CYTH3: variants seen among roughly 807,000 people sequenced by gnomAD.
CYTH3 encodes the protein cytohesin-3.
Under a neutral mutation model 55.1 loss-of-function variants are expected in CYTH3, and 23 were observed. The observed-to-expected ratio is 0.42, with a 90% CI of 0.30 to 0.59. The LOEUF is 0.59. Among genes scored for constraint, CYTH3 ranks in the 20% least tolerant of loss-of-function variants. The pLI is 0.20. For synonymous variants in CYTH3, 249 were observed against 194.9 expected (o/e 1.28, Z -2.31); for missense variants, 413 against 524.8 (o/e 0.79, Z 2.08).
rs909637053 is a variant in CYTH3, at chr7:6,165,212, C to A, written c.1127+61G>T. On this transcript the variant is annotated intron_variant, in intron 12 of 12. Transcript: ENST00000350796. ...CGGAAGCATCCATGTTCCAGACCAT[C>A]CCCCGCCCTCCAACCGGCACGAGAA... 2.5e-6 allele frequency: 4 copies of A among 1,574,546 alleles called. No individual in the cohort carries two copies. In the African/African-American group the frequency reaches 5.4e-5, roughly 21 times the overall value.
At chr7:6,204,633 C>T (rs1034201535) in intron 1 of CYTH3, among the ~76,000 whole-genome samples, 1 of 152,214 alleles carries the variant, frequency 6.6e-6, no homozygotes, top group Admixed American at 6.5e-5. Flanking sequence ...TATGCACGGA[C>T]CTCCATGGTT....
chr7:6,222,240 C>T (rs1784568203), intron 1 of CYTH3, among the ~76,000 whole-genome samples: 1 of 152,258 alleles, frequency 6.6e-6, no homozygotes, highest in South Asian at 2.1e-4. Context: ...TGTCAAGGGA[C>T]ATCACGGAAG....
rs1048121657 is a variant in CYTH3 at position 6,164,843 on chromosome 7, G to T, written c.*101C>A. Reference sequence around the variant, plus strand: ...ATGCTCTGGAGCAGCAGCTTGCACCGCAGGGCGACTGCCTCCCTGCCACGC... The same window carrying T: ...ATGCTCTGGAGCAGCAGCTTGCACCTCAGGGCGACTGCCTCCCTGCCACGC... On this transcript the variant is annotated 3_prime_UTR_variant, in exon 13 of 13. Coordinates refer to ENST00000350796, the MANE Select transcript of CYTH3 (RefSeq NM_004227.4). The T allele has an allele frequency of 3.8e-6, 5 of 1,313,164 alleles. No individual in the cohort carries two copies. The highest frequency in any genetic ancestry group is 5.5e-6 in the Non-Finnish European group (5 of 914,694). 81.3% of individuals were successfully genotyped at this position (1,313,164 alleles called of 1,614,324 possible).
In CYTH3 at chr7:6,167,510, T is replaced by A. The variant is rs762132043; in HGVS notation, c.824-1700A>T. On this transcript the variant is annotated intron_variant, in intron 9 of 12. Transcript: ENST00000350796. This position sits in a 1 kb window ranked among gnomAD's most constrained non-coding sequence, Gnocchi z 5.5. ...ACTCCAGAGCAGGCCCCGCTCCAGC[T>A]GCACTGGTGCCAGCTGCCATCCCCC... Among the ~76,000 whole-genome samples the A allele has an allele frequency of 1.4e-4, 22 of 152,354 alleles. No homozygotes were observed. The highest frequency in any genetic ancestry group is 2.6e-4 in the Admixed American group (4 of 15,304).
chr7:6,189,465 C>A (rs1369990939), intron 2 of CYTH3, among the ~76,000 whole-genome samples: 1 of 152,048 alleles, frequency 6.6e-6, no homozygotes, highest in Non-Finnish European at 1.5e-5. Context: ...CAAAACTTAG[C>A]TGGGCATGGT....
In CYTH3 at chr7:6,237,749, T is replaced by G. The variant is rs75209698; in HGVS notation, c.34+34725A>C. ...AAAAAACCACACATGCAATGTTTAT[T>G]TCCAAAAGTATTATTGCCAATTAGA... On this transcript the variant is annotated intron_variant, in intron 1 of 12. Coordinates refer to ENST00000350796, the MANE Select transcript of CYTH3 (RefSeq NM_004227.4). Among the ~76,000 whole-genome samples the G allele has an allele frequency of 6.2e-3, 950 of 152,194 alleles. 9 individuals carry two copies. The highest frequency in any genetic ancestry group is 0.022 in the African/African-American group (901 of 41,532).
intron 1 of CYTH3, among the ~76,000 whole-genome samples, chr7:6,199,887 C>T (rs1419335216): frequency 1.3e-5 from 2 of 152,048 alleles, no homozygotes; most frequent in African/African-American, 2.4e-5. Flanking sequence ...GCTGCTTATC[C>T]CACATGTGAA....
intron 1 of CYTH3, among the ~76,000 whole-genome samples, chr7:6,259,543 C>T (rs984261850): frequency 2.0e-5 from 3 of 150,632 alleles, no homozygotes; most frequent in Non-Finnish European, 2.9e-5. Context: ...TAAATGCTTG[C>T]TGTATTGGCT....
intron 1 of CYTH3, among the ~76,000 whole-genome samples, chr7:6,263,980 C>T (rs965697727): frequency 1.3e-5 from 2 of 151,998 alleles, no homozygotes; most frequent in South Asian, 4.1e-4. Flanking sequence ...GGTGCGGTTG[C>T]TCACACCTGT....
chr7:6,166,640 G>A (rs1481981181), intron 9 of CYTH3, among the ~76,000 whole-genome samples: 1 of 152,160 alleles, frequency 6.6e-6, no homozygotes, highest in Non-Finnish European at 1.5e-5. Flanking sequence ...AGGACACAGG[G>A]GGCTTTCCCT....
intron 1 of CYTH3, among the ~76,000 whole-genome samples, chr7:6,265,339 G>A (rs1481119173): frequency 2.0e-5 from 3 of 152,016 alleles, no homozygotes; most frequent in Non-Finnish European, 4.4e-5. Context: ...TTGGCTGGGC[G>A]TGGTGGCTCA....
At chr7:6,194,946 G>A (rs538237978) in intron 1 of CYTH3, among the ~76,000 whole-genome samples, 2 of 152,050 alleles carry the variant, frequency 1.3e-5, no homozygotes, top group Admixed American at 1.3e-4. Flanking sequence ...TTGCACTCCA[G>A]CCTGAGCCAC....
chr7:6,177,967 T>G (rs1310221616), intron 4 of CYTH3, 26 bp from the exon 5 acceptor site: 3 of 1,534,758 alleles, frequency 2.0e-6, no homozygotes, highest in African/African-American at 1.4e-5. Context: ...ATGGAAGCAC[T>G]GGTTAGGAGT....
intron 1 of CYTH3, among the ~76,000 whole-genome samples, chr7:6,267,712 C>T (rs1235428970): frequency 2.6e-5 from 4 of 152,028 alleles, no homozygotes; most frequent in East Asian, 1.9e-4. Context: ...TTAGTAGAGA[C>T]GGGGTTTCAC....
intron 1 of CYTH3, among the ~76,000 whole-genome samples, chr7:6,268,201 C>CTCTGTTGCCCAG (rs1491229048): frequency 2.0e-5 from 3 of 152,168 alleles, no homozygotes; most frequent in African/African-American, 7.2e-5. Flanking sequence ...CAGGGTCTCA[C>CTCTGTTGCCCAG]TCTGTTGCCC....
At chr7:6,201,322 G>A (rs1039240415) in intron 1 of CYTH3, among the ~76,000 whole-genome samples, 1 of 152,216 alleles carries the variant, frequency 6.6e-6, no homozygotes, top group East Asian at 1.9e-4. Context: ...TGAGCTGCAG[G>A]GGCAGGCAGG....
At position 6,179,958 on chromosome 7, in the gene CYTH3, G is replaced by A. The variant is rs373829072; in HGVS notation, c.250-2017C>T. Among the ~76,000 whole-genome samples, 501 of 147,138 alleles carry A rather than the reference G, an allele frequency of 3.4e-3. 2 individuals are homozygous for A. Among genetic ancestry groups the A allele is most frequent in the African/African-American group, 0.012 (483 of 39,720 alleles). On this transcript the variant is annotated intron_variant, in intron 4 of 12. Coordinates refer to ENST00000350796, the MANE Select transcript of CYTH3 (RefSeq NM_004227.4). The stretch of plus-strand genomic sequence containing the variant: ...ACACACACACACAGTAGCAATGCAG[G>A]TCTGGTCCTTCGAGAGGCCTAATGC...
At position 6,164,968 on chromosome 7, in the gene CYTH3, T is replaced by C. The variant is rs1172835760; in HGVS notation, c.1176A>G (p.Lys392=). 1 of 1,614,222 alleles carries C rather than the reference T, an allele frequency of 6.2e-7. No individual in the cohort carries two copies. Among genetic ancestry groups the C allele is most frequent in the South Asian group, 1.1e-5 (1 of 91,092 alleles). Residue 392 remains lysine, a synonymous_variant, in exon 13 of 13, where the codon AAA becomes AAG. Transcript: ENST00000350796. ...DPFYDMLATR[K]RRIANKK ...GCTATTTTTTATTGGCAATCCTTCG[T>C]TTCCTCGTTGCCAACATGTCATAGA...
chr7:6,169,167 AC>A lies in CYTH3; in HGVS notation c.823+1367del, dbSNP rs1043038970. 1.3e-5 allele frequency among the ~76,000 whole-genome samples: 2 copies of A among 152,006 alleles called. No individual in the cohort carries two copies. ...GGAATGGCAGACCTGTGGGACTCAC[AC>A]CCTTTCCACCAGCTGAGGAGGCCTG... On this transcript the variant is annotated intron_variant, in intron 9 of 12. Coordinates refer to ENST00000350796, the MANE Select transcript of CYTH3 (RefSeq NM_004227.4). This position sits in a 1 kb window ranked among gnomAD's most constrained non-coding sequence, Gnocchi z 4.1.
Sources: allele counts gnomAD v4.1 joint callset (sites outside exome capture counted in the v4.1 genomes callset), GRCh38; gene constraint gnomAD v4.1.1; non-coding constraint Gnocchi (gnomAD v3.1); transcripts MANE v1.5; gene names NCBI Gene and HGNC (gene_info 2026-07-23, HGNC 2026-07-21).